GPNMB: variants seen among roughly 807,000 people sequenced by gnomAD.
The protein encoded by GPNMB is glycoprotein nmb.
A neutral mutation model predicts 57.3 loss-of-function variants in GPNMB; 71 were observed. The observed-to-expected ratio is 1.24, with a 90% CI of 1.02 to 1.51. The LOEUF is 1.51. Ranked by LOEUF, GPNMB falls within the 40% of genes most tolerant of loss-of-function variation. The pLI, the probability that GPNMB is intolerant of heterozygous loss-of-function variation, is 0.00. For missense variants in GPNMB, 677 were observed against 691.9 expected (o/e 0.98, Z 0.24); for synonymous variants, 253 against 263.2 (o/e 0.96, Z 0.38).
chr7:23,274,391 T>C lies in GPNMB; in HGVS notation c.*167T>C, dbSNP rs1361999712. ...GTCATTTTAGAGATGGGGAGAGGGATTATACTGCAGGCAGCTTCAGCCATG... is the reference window on the plus strand; with the variant it reads ...GTCATTTTAGAGATGGGGAGAGGGACTATACTGCAGGCAGCTTCAGCCATG... On this transcript the variant is annotated 3_prime_UTR_variant, in exon 11 of 11. Coordinates refer to ENST00000258733, the MANE Select transcript of GPNMB (RefSeq NM_002510.3). The C allele has an allele frequency of 1.8e-6, 1 of 563,512 alleles. No homozygotes were observed. Among genetic ancestry groups the C allele is most frequent in the Non-Finnish European group, 3.1e-6 (1 of 322,718 alleles). The allele number at this position is 563,512 out of a possible 1,614,324, so 34.9% of individuals were successfully genotyped here.
intron 8 of GPNMB, among the ~76,000 whole-genome samples, chr7:23,269,058 C>G (rs1294275816): frequency 6.6e-6 from 1 of 152,132 alleles, no homozygotes; most frequent in African/African-American, 2.4e-5. Context: ...GATTTGTCAT[C>G]TGTTAAACTG....
intron 1 of GPNMB, among the ~76,000 whole-genome samples, chr7:23,251,159 C>T (rs74550556): frequency 0.035 from 5,291 of 152,192 alleles, 250 homozygotes; most frequent in East Asian, 0.12. Flanking sequence ...TCCATGACTC[C>T]GACTTTGCTG....
chr7:23,273,746 A>C, intron 10 of GPNMB, 132 bp downstream of exon 10: 1 of 643,146 alleles, frequency 1.6e-6, no homozygotes, highest in South Asian at 1.9e-5. Context: ...TATTACATTG[A>C]ATGGTGAATA....
Position 23,272,846 on chromosome 7 carries a change from C to CTTTTTTTTTTTTT in GPNMB, c.1430-672_1430-660dup, listed in dbSNP as rs34346503. 8.0e-4 allele frequency among the ~76,000 whole-genome samples: 112 copies of CTTTTTTTTTTTTT among 139,612 alleles called. 2 individuals are homozygous for CTTTTTTTTTTTTT. Among genetic ancestry groups the CTTTTTTTTTTTTT allele is most frequent in the African/African-American group, 2.9e-3 (107 of 36,526 alleles). The allele number at this position is 139,612 out of a possible 152,430, so 91.6% of individuals were successfully genotyped here. A position where few individuals can be genotyped will look rare whatever the true frequency, so the allele number is the denominator to read the frequency against. ...CATGGAAAACTTTAAAGGTGGTGAT[C>CTTTTTTTTTTTTT]TTTTTTTTTTTTTTTGAGGCAAGGT... On this transcript the variant is annotated intron_variant, in intron 9 of 10. Coordinates refer to ENST00000258733, the MANE Select transcript of GPNMB (RefSeq NM_002510.3).
At chr7:23,264,825 G>A (rs941828857) in intron 6 of GPNMB, among the ~76,000 whole-genome samples, 2 of 152,132 alleles carry the variant, frequency 1.3e-5, no homozygotes, top group Non-Finnish European at 1.5e-5. Context: ...ATGCAGGGTC[G>A]TGATTCCATG....
At chr7:23,250,289 A>G (rs1188821578) in intron 1 of GPNMB, among the ~76,000 whole-genome samples, 1 of 152,022 alleles carries the variant, frequency 6.6e-6, no homozygotes, top group Non-Finnish European at 1.5e-5. Context: ...ATGAGTTCCA[A>G]TTTCCTGTTA....
chr7:23,260,803 G>T (rs112770909), intron 6 of GPNMB, 30 bp downstream of exon 6: 6 of 1,446,472 alleles, frequency 4.1e-6, no homozygotes, highest in Non-Finnish European at 4.6e-6. Context: ...TTTGAGGGAG[G>T]CTCCTTAATG....
At chr7:23,255,584 G>T (rs995132818) in intron 3 of GPNMB, among the ~76,000 whole-genome samples, 1 of 152,102 alleles carries the variant, frequency 6.6e-6, no homozygotes, top group Admixed American at 6.6e-5. Context: ...GAGATTGCTG[G>T]CTCATATGGT....
chr7:23,246,910 C>T lies in GPNMB; in HGVS notation c.53C>T (p.Pro18Leu), dbSNP rs140122424. ...TTTCTGCTCCTGGCTGCAAGATTGC[C>T]ACTTGATGCCGCCAAACGTGAGTAA... ...LGFLLLAARLPLDAAKRFHDV... is the reference protein window; with the variant it reads ...LGFLLLAARLLLDAAKRFHDV... Residue 18 changes from proline (P) to leucine (L), a missense_variant, in exon 1 of 11, where the codon CCA (proline) becomes CTA (leucine). Coordinates refer to ENST00000258733, the MANE Select transcript of GPNMB (RefSeq NM_002510.3). The T allele has an allele frequency of 2.6e-3, 4,148 of 1,612,984 alleles. 5 individuals carry two copies. Among genetic ancestry groups the T allele is most frequent in the Non-Finnish European group, 3.0e-3 (3,478 of 1,178,980 alleles).
chr7:23,272,507 G>C (rs1783233879), intron 9 of GPNMB, among the ~76,000 whole-genome samples: 1 of 152,146 alleles, frequency 6.6e-6, no homozygotes, highest in African/African-American at 2.4e-5. Context: ...GAAAGAGAGA[G>C]AGAGTGAGAA....
chr7:23,252,106 A>G (rs1252021532), intron 1 of GPNMB, among the ~76,000 whole-genome samples: 1 of 152,252 alleles, frequency 6.6e-6, no homozygotes, highest in Admixed American at 6.5e-5. Flanking sequence ...TGAAAGAGGT[A>G]TCACTAACAA....
At chr7:23,273,050 C>T (rs1249971013) in intron 9 of GPNMB, 1 of 152,762 alleles carries the variant, frequency 6.5e-6, no homozygotes, top group African/African-American at 2.4e-5. Flanking sequence ...ACTATGTTGC[C>T]TCTGCCTCCC....
chr7:23,271,295 G>C (rs546419509), intron 9 of GPNMB, among the ~76,000 whole-genome samples: 1 of 152,300 alleles, frequency 6.6e-6, no homozygotes, highest in Non-Finnish European at 1.5e-5. Context: ...AACAGACTGA[G>C]GACCCGTACC....
chr7:23,255,741 G>A (rs938143582), intron 3 of GPNMB, among the ~76,000 whole-genome samples: 3 of 151,956 alleles, frequency 2.0e-5, no homozygotes, highest in Non-Finnish European at 2.9e-5. Context: ...AGCCATTTTT[G>A]ATTAATTTTT....
intron 1 of GPNMB, among the ~76,000 whole-genome samples, chr7:23,250,068 T>A (rs1208456080): frequency 2.6e-5 from 4 of 152,252 alleles, no homozygotes; most frequent in Non-Finnish European, 5.9e-5. Flanking sequence ...ATGAGATGAA[T>A]GAAATGGTGA....
At chr7:23,262,286 A>T (rs1292678512) in intron 6 of GPNMB, among the ~76,000 whole-genome samples, 1 of 152,222 alleles carries the variant, frequency 6.6e-6, no homozygotes, top group East Asian at 1.9e-4. Flanking sequence ...GTAGATGTCT[A>T]GAGTAAAAAG....
chr7:23,253,156 C>T, intron 1 of GPNMB, 151 bp from the exon 2 acceptor site: 1 of 572,232 alleles, frequency 1.7e-6, no homozygotes, highest in Non-Finnish European at 2.9e-6. Context: ...TTCCAGGAGA[C>T]TTCCTTTAAA....
In GPNMB at chr7:23,270,040, G is replaced by C. The variant is rs1306432157; in HGVS notation, c.1294G>C (p.Val432Leu). 2 of 1,613,998 alleles carry C rather than the reference G, an allele frequency of 1.2e-6. No individual in the cohort carries two copies. The highest frequency in any genetic ancestry group is 1.7e-5 in the Admixed American group (1 of 59,994). ...CACCCAGAACACAGTCTGCAGCCCT[G>C]TGGATGTGGATGAGATGTGTCTGCT... The part of the protein sequence containing the change: ...EITQNTVCSP[V>L]DVDEMCLLTV... The change falls in exon 9 of 11, where the codon GTG becomes CTG. Residue 432 changes from valine (V) to leucine (L), a missense_variant. Coordinates refer to ENST00000258733, the MANE Select transcript of GPNMB (RefSeq NM_002510.3).
intron 9 of GPNMB, chr7:23,273,300 G>GGTGGT: frequency 2.0e-6 from 1 of 494,510 alleles, no homozygotes; most frequent in South Asian, 2.7e-5. Context: ...TCTCTCCCCC[G>GGTGGT]CGCCCTTACC....
Sources: allele counts gnomAD v4.1 joint callset (sites outside exome capture counted in the v4.1 genomes callset), GRCh38; gene constraint gnomAD v4.1.1; transcripts MANE v1.5; gene names NCBI Gene and HGNC (gene_info 2026-07-23, HGNC 2026-07-21).